The following DPY19L3 variants were observed in gnomAD, a reference collection of about 807,000 sequenced individuals.
DPY19L3 encodes dpy-19 like C-mannosyltransferase 3.
In DPY19L3, 51 loss-of-function variants were observed where a neutral mutation model predicts 92.3. That is an observed-to-expected ratio of 0.55 (90% CI 0.44 to 0.70). The LOEUF is 0.70. DPY19L3 is among the 30% of genes least tolerant of loss of function. The probability of loss-of-function intolerance (pLI) is 0.00; values close to 1 mark genes in which losing one functional copy is unlikely to be tolerated. For synonymous variants in DPY19L3, 309 were observed against 315.2 expected (o/e 0.98, Z 0.21); for missense variants, 706 against 855.9 (o/e 0.82, Z 2.18).
chr19:32,433,712 C>T (rs1019881186), intron 4 of DPY19L3, among the ~76,000 whole-genome samples: 9 of 152,104 alleles, frequency 5.9e-5, no homozygotes, highest in Non-Finnish European at 1.2e-4. Context: ...CATGAGCCAC[C>T]GCGCCCAGCC....
rs1054056619 is a variant in DPY19L3, at chr19:32,465,153, A to T, written c.1614+369A>T. 2.6e-5 allele frequency among the ~76,000 whole-genome samples: 4 copies of T among 152,246 alleles called. No homozygotes were observed. The South Asian group carries it at 8.3e-4, about 32-fold the overall frequency. ...TATAGACTAAGAGATTTTTAAATGTATCTTACTTTAAGCTCCATATTTTAT... is the reference window on the plus strand; with the variant it reads ...TATAGACTAAGAGATTTTTAAATGTTTCTTACTTTAAGCTCCATATTTTAT... On this transcript the variant is annotated intron_variant, in intron 15 of 18. Coordinates refer to ENST00000392250, the MANE Select transcript of DPY19L3 (RefSeq NM_001172774.2).
At chr19:32,429,489 A>G (rs1968888161) in intron 3 of DPY19L3, among the ~76,000 whole-genome samples, 1 of 152,226 alleles carries the variant, frequency 6.6e-6, no homozygotes, top group Non-Finnish European at 1.5e-5. Flanking sequence ...TAGATTACCA[A>G]TTAATCATGT....
intron 16 of DPY19L3, 103 bp from the exon 17 acceptor site, chr19:32,477,419 G>T: frequency 1.4e-6 from 2 of 1,453,558 alleles, no homozygotes; most frequent in South Asian, 2.6e-5. Flanking sequence ...CGTAACACTT[G>T]GTAACATAGC....
At position 32,430,683 on chromosome 19, in the gene DPY19L3, A is replaced by G. The variant is rs146460481; in HGVS notation, c.238-2033A>G. Reference sequence around the variant, plus strand: ...TCATCCAGGCTGGAGTGGCTTGATCATGGCTCACAGCAGCCTCAGCCTCCC... The same window carrying G: ...TCATCCAGGCTGGAGTGGCTTGATCGTGGCTCACAGCAGCCTCAGCCTCCC... On this transcript the variant is annotated intron_variant, in intron 3 of 18. Transcript: ENST00000392250. 2.6e-3 allele frequency among the ~76,000 whole-genome samples: 397 copies of G among 152,010 alleles called. 5 individuals carry two copies. Among genetic ancestry groups the G allele is most frequent in the African/African-American group, 8.8e-3 (366 of 41,468 alleles).
intron 8 of DPY19L3, among the ~76,000 whole-genome samples, chr19:32,451,916 C>T (rs1360084594): frequency 6.6e-6 from 1 of 152,022 alleles, no homozygotes. Flanking sequence ...CTTACTGCAG[C>T]CTCAACCTCC....
chr19:32,425,112 A>G (rs1235037504), intron 3 of DPY19L3, among the ~76,000 whole-genome samples: 2 of 152,264 alleles, frequency 1.3e-5, no homozygotes, highest in Non-Finnish European at 2.9e-5. Flanking sequence ...GTCTAAAACT[A>G]TAAAACATTT....
intron 16 of DPY19L3, among the ~76,000 whole-genome samples, chr19:32,475,214 C>T (rs967161110): frequency 1.2e-4 from 18 of 152,164 alleles, no homozygotes; most frequent in African/African-American, 2.9e-4. Context: ...ACATTCAAAA[C>T]GGTGATGGTG....
chr19:32,451,214 C>T (rs149543297), intron 8 of DPY19L3, among the ~76,000 whole-genome samples: 289 of 152,272 alleles, frequency 1.9e-3, no homozygotes, highest in African/African-American at 6.0e-3. Context: ...TTTAAGTTTT[C>T]ACAGAATAGT....
chr19:32,459,175 TGAAA>T (rs1969961711), intron 12 of DPY19L3, among the ~76,000 whole-genome samples: 1 of 152,108 alleles, frequency 6.6e-6, no homozygotes, highest in Non-Finnish European at 1.5e-5. Context: ...ACCAATCTAC[TGAAA>T]GAAAAAAATC....
At position 32,452,659 on chromosome 19, in the gene DPY19L3, AT is replaced by A. The variant is rs753151935; in HGVS notation, c.856-485del. Among the ~76,000 whole-genome samples the A allele has an allele frequency of 5.9e-5, 9 of 152,186 alleles. No homozygotes were observed. In the East Asian group the frequency reaches 7.7e-4, roughly 13 times the overall value. The stretch of plus-strand genomic sequence containing the variant: ...GAAGATTTCTGTTATTAAAAGGTAA[AT>A]AAACAGTTGGTATGTGTATGATTTA... On this transcript the variant is annotated intron_variant, in intron 8 of 18. Coordinates refer to ENST00000392250, the MANE Select transcript of DPY19L3 (RefSeq NM_001172774.2).
chr19:32,470,280 G>A (rs984056173), intron 16 of DPY19L3, among the ~76,000 whole-genome samples: 3 of 152,184 alleles, frequency 2.0e-5, no homozygotes. Context: ...AGAGTTATTC[G>A]TGTAAAGGAA....
At chr19:32,467,646 A>G (rs543498285) in intron 15 of DPY19L3, 1 of 987,582 alleles carries the variant, frequency 1.0e-6, no homozygotes, top group East Asian at 1.1e-4. Flanking sequence ...TGATTCTACT[A>G]GTGGTTCTTA....
rs994136092 is a variant in DPY19L3 at position 32,452,065 on chromosome 19, A to G, written c.856-1080A>G. ...GCTGGTCTTGAACTGGGCTCAAGCA[A>G]TCCTTCTGTCTCAGCTTCCCAAGAT... On this transcript the variant is annotated intron_variant, in intron 8 of 18. Transcript: ENST00000392250. Among the ~76,000 whole-genome samples the G allele has an allele frequency of 7.2e-5, 11 of 152,112 alleles. No individual in the cohort carries two copies. In the East Asian group the frequency reaches 7.7e-4, roughly 11 times the overall value.
chr19:32,436,641 C>T (rs1323577400), intron 5 of DPY19L3, 74 bp downstream of exon 5: 2 of 1,254,472 alleles, frequency 1.6e-6, no homozygotes, highest in Non-Finnish European at 2.1e-6. Context: ...AAAGTTATCA[C>T]ATCGTTCTTT....
chr19:32,410,763 A>G (rs183727255), intron 2 of DPY19L3, among the ~76,000 whole-genome samples: 9 of 152,368 alleles, frequency 5.9e-5, no homozygotes, highest in Admixed American at 5.2e-4. Context: ...ATCTTGGGCA[A>G]CAGAACAAGA....
chr19:32,477,189 A>G (rs1313080939), intron 16 of DPY19L3, among the ~76,000 whole-genome samples: 1 of 152,162 alleles, frequency 6.6e-6, no homozygotes, highest in Non-Finnish European at 1.5e-5. Context: ...ACAATTCCTT[A>G]TAAAAGTAAA....
chr19:32,457,207 TACA>T (rs1417870494), intron 10 of DPY19L3, among the ~76,000 whole-genome samples: 5 of 152,212 alleles, frequency 3.3e-5, no homozygotes, highest in African/African-American at 7.2e-5. Context: ...GCCAGTGACC[TACA>T]ACAAGAGGAA....
chr19:32,426,951 G>A (rs975162498), intron 3 of DPY19L3, among the ~76,000 whole-genome samples: 13 of 152,136 alleles, frequency 8.5e-5, no homozygotes, highest in Admixed American at 5.9e-4. Flanking sequence ...GCCTGAAGTC[G>A]TTTCCCTTTG....
At position 32,439,128 on chromosome 19, in the gene DPY19L3, G is replaced by GT; in HGVS notation, c.615dup (p.Glu206Ter). On this transcript the variant is annotated frameshift_variant, in exon 7 of 19. Coordinates refer to ENST00000392250, the MANE Select transcript of DPY19L3 (RefSeq NM_001172774.2). LOFTEE classifies it high-confidence loss of function. ...TTTGTGCAGAATAGATACCACAAGA[G>GT]TTGAGTTTACCATCCCACTGAGGGA... 6.2e-7 allele frequency: 1 copy of GT among 1,613,142 alleles called. No homozygotes were observed. Among genetic ancestry groups the GT allele is most frequent in the Non-Finnish European group, 8.5e-7 (1 of 1,179,358 alleles).
Sources: gnomAD v4.1 joint callset for allele counts (sites outside exome capture counted in the v4.1 genomes callset) on GRCh38, gnomAD v4.1.1 for gene constraint, MANE v1.5 for transcripts, NCBI Gene and HGNC (gene_info 2026-07-23, HGNC 2026-07-21) for gene names.